TMIGD3: variants seen among roughly 807,000 people sequenced by gnomAD.
TMIGD3 encodes the protein transmembrane and immunoglobulin domain containing 3.
Under a neutral mutation model 28.1 loss-of-function variants are expected in TMIGD3, and 21 were observed. The ratio of observed to expected loss-of-function variants is 0.75; its 90% CI spans 0.53 to 1.08. TMIGD3 has a LOEUF of 1.08. TMIGD3 is among the 50% of genes least tolerant of loss of function. TMIGD3 has a pLI of 0.00. For missense variants in TMIGD3, 416 were observed against 435.6 expected (o/e 0.96, Z 0.40); for synonymous variants, 151 against 162.1 (o/e 0.93, Z 0.52).
chr1:111,486,348 A>C (rs956649953), intron 4 of TMIGD3, among the ~76,000 whole-genome samples: 1 of 151,916 alleles, frequency 6.6e-6, no homozygotes, highest in Non-Finnish European at 1.5e-5. Context: ...TCCCCTTTTA[A>C]TTAAAATAGC....
At chr1:111,517,682 C>G (rs1655913371) in intron 1 of TMIGD3, among the ~76,000 whole-genome samples, 1 of 152,138 alleles carries the variant, frequency 6.6e-6, no homozygotes, top group Non-Finnish European at 1.5e-5. Flanking sequence ...TTAATAAAAG[C>G]CACTTCAAAG....
At chr1:111,562,928 G>A (rs1449617986) in intron 1 of TMIGD3, among the ~76,000 whole-genome samples, 1 of 152,220 alleles carries the variant, frequency 6.6e-6, no homozygotes, top group Non-Finnish European at 1.5e-5. Flanking sequence ...ACATTGATTA[G>A]TCTCTTACTA....
intron 1 of TMIGD3, among the ~76,000 whole-genome samples, chr1:111,562,776 G>A (rs544903678): frequency 4.5e-4 from 69 of 152,284 alleles, no homozygotes; most frequent in African/African-American, 1.6e-3. Context: ...CTCTTGATAG[G>A]CTGGAAGACT....
chr1:111,485,869 T>C (rs748411656), intron 4 of TMIGD3, 29 bp from the exon 5 acceptor site: 1 of 1,559,898 alleles, frequency 6.4e-7, no homozygotes, highest in South Asian at 1.2e-5. Flanking sequence ...GATTTCATGT[T>C]GCTTGGAAGA....
chr1:111,533,920 C>A (rs557578765), intron 1 of TMIGD3, among the ~76,000 whole-genome samples: 4 of 152,232 alleles, frequency 2.6e-5, no homozygotes, highest in Admixed American at 2.6e-4. Flanking sequence ...TTCTGACTTG[C>A]CCATTTACTA....
intron 1 of TMIGD3, among the ~76,000 whole-genome samples, chr1:111,555,907 G>A (rs948110125): frequency 2.0e-5 from 3 of 152,094 alleles, no homozygotes; most frequent in South Asian, 2.1e-4. Flanking sequence ...GAAAAAAATC[G>A]ATAAATTGAA....
chr1:111,538,066 G>C (rs1244404646), intron 1 of TMIGD3, among the ~76,000 whole-genome samples: 5 of 152,072 alleles, frequency 3.3e-5, no homozygotes, highest in Non-Finnish European at 2.9e-5. Flanking sequence ...TTTTTAAAAA[G>C]AGTTGGCTCA....
Position 111,549,885 on chromosome 1 carries a change from T to C in TMIGD3, c.107+13961A>G, listed in dbSNP as rs1657193011. On this transcript the variant is annotated intron_variant, in intron 1 of 5. Transcript: ENST00000369717. ...ACAGACTGGCCTTAAACTCCTAGCC[T>C]CAAGTAATCCTCCTGTCCCAGCCTA... Among the ~76,000 whole-genome samples the C allele has an allele frequency of 2.0e-5, 3 of 152,138 alleles. 1 individual carries two copies.
At chr1:111,540,968 T>A (rs938010095) in intron 1 of TMIGD3, among the ~76,000 whole-genome samples, 1 of 152,142 alleles carries the variant, frequency 6.6e-6, no homozygotes. Context: ...GTTGGCAAAC[T>A]TTTTCTGAAA....
chr1:111,560,473 C>T (rs1657688113), intron 1 of TMIGD3, among the ~76,000 whole-genome samples: 1 of 151,740 alleles, frequency 6.6e-6, no homozygotes. Flanking sequence ...TACACAATAT[C>T]CAATAAATAC....
At chr1:111,508,816 G>A (rs900347169) in intron 1 of TMIGD3, among the ~76,000 whole-genome samples, 1 of 152,204 alleles carries the variant, frequency 6.6e-6, no homozygotes, top group African/African-American at 2.4e-5. Context: ...ATCATACACC[G>A]CCAGGCGCGG....
intron 1 of TMIGD3, among the ~76,000 whole-genome samples, chr1:111,492,965 G>A (rs1253905335): frequency 3.3e-5 from 5 of 151,908 alleles, no homozygotes; most frequent in Non-Finnish European, 5.9e-5. Context: ...TAAATAGGAA[G>A]GTAAATAGGC....
intron 2 of TMIGD3, chr1:111,490,382 G>C (rs962964493): frequency 2.5e-5 from 11 of 442,050 alleles, no homozygotes; most frequent in East Asian, 7.8e-5. Flanking sequence ...AATCTACTCT[G>C]TATCATTCTA....
At chr1:111,537,072 A>C (rs1656663909) in intron 1 of TMIGD3, among the ~76,000 whole-genome samples, 1 of 152,202 alleles carries the variant, frequency 6.6e-6, no homozygotes, top group Non-Finnish European at 1.5e-5. Context: ...ACCCAAACTT[A>C]TGCTCCCACT....
At chr1:111,523,605 A>G (rs977292917) in intron 1 of TMIGD3, among the ~76,000 whole-genome samples, 1 of 152,188 alleles carries the variant, frequency 6.6e-6, no homozygotes, top group Non-Finnish European at 1.5e-5. Context: ...AATGTTTGAT[A>G]AAATTTACCA....
intron 1 of TMIGD3, among the ~76,000 whole-genome samples, chr1:111,538,911 T>C (rs1027154621): frequency 1.3e-5 from 2 of 152,184 alleles, no homozygotes; most frequent in Non-Finnish European, 2.9e-5. Context: ...AAGTCTACTC[T>C]ATTACATGTG....
chr1:111,511,550 T>G (rs1406478456), intron 1 of TMIGD3, among the ~76,000 whole-genome samples: 1 of 152,224 alleles, frequency 6.6e-6, no homozygotes, highest in Non-Finnish European at 1.5e-5. Flanking sequence ...CCTATTTGGG[T>G]CTAGTTAAAG....
At chr1:111,543,908 G>A (rs774721382) in intron 1 of TMIGD3, among the ~76,000 whole-genome samples, 12 of 152,178 alleles carry the variant, frequency 7.9e-5, no homozygotes, top group Non-Finnish European at 1.5e-4. Flanking sequence ...GATAGGCAAA[G>A]ATGGGGCTCT....
At chr1:111,497,028 AT>A (rs1654910408) in intron 1 of TMIGD3, among the ~76,000 whole-genome samples, 1 of 152,200 alleles carries the variant, frequency 6.6e-6, no homozygotes, top group Non-Finnish European at 1.5e-5. Flanking sequence ...TTCCTTTAGA[AT>A]AAAAGCCCGC....
Sources: gnomAD v4.1 joint callset for allele counts (sites outside exome capture counted in the v4.1 genomes callset) on GRCh38, gnomAD v4.1.1 for gene constraint, MANE v1.5 for transcripts, NCBI Gene and HGNC (gene_info 2026-07-23, HGNC 2026-07-21) for gene names.